RNF175: variants seen among roughly 807,000 people sequenced by gnomAD.
RNF175 encodes ring finger protein 175.
RNF175 carries 38 observed loss-of-function variants against 50.0 expected under a neutral mutation model. The ratio of observed to expected loss-of-function variants is 0.76; its 90% confidence interval spans 0.59 to 1.00. The LOEUF (loss-of-function observed/expected upper bound fraction) is 1.00. RNF175 is among the 50% of genes least tolerant of loss of function. RNF175 has a pLI of 0.00. For missense variants in RNF175, 388 were observed against 409.6 expected, an observed-to-expected ratio of 0.95 and a Z score of 0.46; for synonymous variants, 155 against 146.1, an observed-to-expected ratio of 1.06 and a Z score of -0.44.
chr4:153,713,238 C>G (rs1428202773), intron 7 of RNF175: 1 of 152,194 alleles, frequency 6.6e-6, no homozygotes, highest in Non-Finnish European at 1.5e-5. Context: ...TTGAGTGAAC[C>G]CTATGTGTTC....
intron 1 of RNF175, among the ~76,000 whole-genome samples, chr4:153,758,179 A>G (rs57446135): frequency 0.16 from 24,127 of 152,228 alleles, 2,530 homozygotes; most frequent in East Asian, 0.38. Flanking sequence ...CTGGTCAGTA[A>G]CTATCTCTGT....
rs1579060333 is a variant in RNF175 at position 153,728,421 on chromosome 4, A to G, written c.247-60T>C. On this transcript the variant is annotated intron_variant, in intron 3 of 8. Coordinates refer to ENST00000347063, the MANE Select transcript of RNF175 (RefSeq NM_173662.4). ...GACCAAGTGCCTGAATGGCATCTCCACTATTAAATGAGTCTGAAGCATTGC... is the reference window on the plus strand; with the variant it reads ...GACCAAGTGCCTGAATGGCATCTCCGCTATTAAATGAGTCTGAAGCATTGC... 4 of 1,406,260 alleles carry G rather than the reference A, an allele frequency of 2.8e-6. No homozygotes were observed. The East Asian group carries it at 9.1e-5, about 32-fold the overall frequency. The allele number at this position is 1,406,260 out of a possible 1,614,324, so 87.1% of individuals were successfully genotyped here.
intron 3 of RNF175, among the ~76,000 whole-genome samples, chr4:153,741,101 A>T (rs188724365): frequency 6.6e-6 from 1 of 152,278 alleles, no homozygotes; most frequent in Non-Finnish European, 1.5e-5. Flanking sequence ...GCATTCTGTT[A>T]TCATATGGTT....
chr4:153,714,916 A>C (rs1737807853), intron 7 of RNF175: 1 of 162,514 alleles, frequency 6.2e-6, no homozygotes, highest in Non-Finnish European at 1.4e-5. Context: ...TGGTCCAAGA[A>C]CAAATGTCCA....
At chr4:153,753,266 G>T (rs186329459) in intron 1 of RNF175, among the ~76,000 whole-genome samples, 1 of 152,210 alleles carries the variant, frequency 6.6e-6, no homozygotes, top group African/African-American at 2.4e-5. Context: ...TGCAACCGGG[G>T]TTAGTAACAG....
intron 8 of RNF175, 120 bp from the exon 9 acceptor site, chr4:153,710,609 A>G (rs1011252964): frequency 7.3e-6 from 7 of 963,284 alleles, no homozygotes; most frequent in African/African-American, 1.6e-5. Flanking sequence ...TGTTAATTCT[A>G]TGTGCTCAAT....
intron 3 of RNF175, among the ~76,000 whole-genome samples, chr4:153,743,413 T>TG (rs1039407241): frequency 1.3e-5 from 2 of 152,094 alleles, no homozygotes; most frequent in Non-Finnish European, 2.9e-5. Context: ...CCTGTTCCTT[T>TG]GGGGCAATAC....
chr4:153,732,443 G>A (rs1739095931), intron 3 of RNF175, among the ~76,000 whole-genome samples: 1 of 152,086 alleles, frequency 6.6e-6, no homozygotes, highest in Non-Finnish European at 1.5e-5. Flanking sequence ...ATGTATTTGT[G>A]TCTTGCCTCA....
chr4:153,739,103 A>G (rs919721295), intron 3 of RNF175, among the ~76,000 whole-genome samples: 6 of 152,248 alleles, frequency 3.9e-5, no homozygotes, highest in African/African-American at 1.2e-4. Context: ...TTTACTTTGA[A>G]CAATTAATCT....
intron 3 of RNF175, among the ~76,000 whole-genome samples, chr4:153,731,090 A>G (rs1739006690): frequency 6.6e-6 from 1 of 152,230 alleles, no homozygotes; most frequent in Admixed American, 6.5e-5. Flanking sequence ...ACTCAGCACC[A>G]TATTTTCTCA....
intron 4 of RNF175, among the ~76,000 whole-genome samples, chr4:153,726,197 T>C (rs915104041): frequency 6.6e-6 from 1 of 152,080 alleles, no homozygotes; most frequent in Admixed American, 6.6e-5. Flanking sequence ...CCTTTGCCTC[T>C]GGGTTCAAGT....
chr4:153,737,264 T>G (rs1382184234), intron 3 of RNF175, among the ~76,000 whole-genome samples: 1 of 152,182 alleles, frequency 6.6e-6, no homozygotes, highest in African/African-American at 2.4e-5. Flanking sequence ...GAACCAGCTT[T>G]TGGTTTCATT....
At chr4:153,716,237 T>G (rs1476279030) in intron 6 of RNF175, among the ~76,000 whole-genome samples, 1 of 152,118 alleles carries the variant, frequency 6.6e-6, no homozygotes, top group Non-Finnish European at 1.5e-5. Context: ...TCATCTAACC[T>G]CCACATTGAG....
At chr4:153,745,117 G>C (rs546259738) in intron 3 of RNF175, among the ~76,000 whole-genome samples, 1 of 152,294 alleles carries the variant, frequency 6.6e-6, no homozygotes, top group South Asian at 2.1e-4. Flanking sequence ...GAACCATGTA[G>C]TGTTAACTGA....
At chr4:153,746,944 TGGGC>T (rs1740008714) in intron 3 of RNF175, among the ~76,000 whole-genome samples, 1 of 152,240 alleles carries the variant, frequency 6.6e-6, no homozygotes, top group African/African-American at 2.4e-5. Flanking sequence ...GAGCTGCACC[TGGGC>T]TCCCTGGAGC....
Position 153,739,408 on chromosome 4 carries a change from C to CT in RNF175, c.246+9236dup, listed in dbSNP as rs777778055. Among the ~76,000 whole-genome samples, 14 of 152,160 alleles carry CT rather than the reference C, an allele frequency of 9.2e-5. No homozygotes were observed. In the East Asian group the frequency reaches 2.7e-3, roughly 29 times the overall value. On this transcript the variant is annotated intron_variant, in intron 3 of 8. Coordinates refer to ENST00000347063, the MANE Select transcript of RNF175 (RefSeq NM_173662.4). ...TGTACTCCAGCGACAGAGCGAGACT[C>CT]TGTCTCAAAATAAAAAATAAAAGAA...
chr4:153,757,514 G>A (rs1740623056), intron 1 of RNF175, among the ~76,000 whole-genome samples: 1 of 152,116 alleles, frequency 6.6e-6, no homozygotes, highest in Non-Finnish European at 1.5e-5. Flanking sequence ...GATGACCCTG[G>A]ACCACATGTG....
intron 3 of RNF175, among the ~76,000 whole-genome samples, chr4:153,734,044 C>A (rs543181122): frequency 4.1e-4 from 62 of 152,230 alleles, no homozygotes; most frequent in African/African-American, 1.4e-3. Flanking sequence ...TAGCTTATTT[C>A]TTTTTATTAT....
chr4:153,739,779 A>G (rs760202170), intron 3 of RNF175, among the ~76,000 whole-genome samples: 1 of 151,830 alleles, frequency 6.6e-6, no homozygotes, highest in Non-Finnish European at 1.5e-5. Flanking sequence ...GTTTTCCTTC[A>G]TCTTTGGCTT....
Sources: gnomAD v4.1 joint callset for allele counts (sites outside exome capture counted in the v4.1 genomes callset) on GRCh38, gnomAD v4.1.1 for gene constraint, MANE v1.5 for transcripts, NCBI Gene and HGNC (gene_info 2026-07-23, HGNC 2026-07-21) for gene names.